Variants in CSMD1 observed in about 807,000 individuals in gnomAD.
CSMD1 encodes CUB and sushi domain-containing protein 1.
In CSMD1, 213 loss-of-function variants were observed where a neutral mutation model predicts 417.5. The ratio of observed to expected loss-of-function variants is 0.51; its 90% CI spans 0.46 to 0.57. CSMD1 has a LOEUF of 0.57. Among genes scored for constraint, CSMD1 ranks in the 20% least tolerant of loss-of-function variants. The pLI, the probability that CSMD1 is intolerant of heterozygous loss-of-function variation, is 0.00. For missense variants in CSMD1, 6,923 were observed against 4,529.7 expected, an observed-to-expected ratio of 1.53 and a Z score of -15.17; for synonymous variants, 2,862 against 1,736.8, an observed-to-expected ratio of 1.65 and a Z score of -16.11.
intron 11 of CSMD1, among the ~76,000 whole-genome samples, chr8:3,482,591 G>C (rs192143920): frequency 2.6e-5 from 4 of 152,286 alleles, no homozygotes; most frequent in Non-Finnish European, 2.9e-5. Context: ...AGCACCCTTA[G>C]CAAACAGGCA....
intron 23 of CSMD1, among the ~76,000 whole-genome samples, chr8:3,334,864 G>T (rs1807148873): frequency 6.6e-6 from 1 of 152,250 alleles, no homozygotes; most frequent in South Asian, 2.1e-4. Context: ...TGGCAGCACA[G>T]CCTGCTGGGG....
intron 7 of CSMD1, among the ~76,000 whole-genome samples, chr8:3,703,409 C>T (rs1272251245): frequency 2.7e-4 from 4 of 14,580 alleles, no homozygotes; most frequent in Admixed American, 1.6e-3. Context: ...GGCTTTTGTT[C>T]CAAAGCACAG....
At chr8:3,482,627 C>T (rs1338487062) in intron 11 of CSMD1, among the ~76,000 whole-genome samples, 1 of 152,182 alleles carries the variant, frequency 6.6e-6, no homozygotes, top group African/African-American at 2.4e-5. Flanking sequence ...GATATTCAAT[C>T]AACCAACAGG....
intron 2 of CSMD1, among the ~76,000 whole-genome samples, chr8:4,584,312 G>C (rs377013766): frequency 6.6e-6 from 1 of 151,378 alleles, no homozygotes; most frequent in Non-Finnish European, 1.5e-5. Context: ...TGAGACCGTC[G>C]CCTATCGCCG....
At chr8:4,087,942 C>T (rs1422263036) in intron 3 of CSMD1, among the ~76,000 whole-genome samples, 2 of 152,122 alleles carry the variant, frequency 1.3e-5, no homozygotes, top group African/African-American at 4.8e-5. Flanking sequence ...TGTGACCAAA[C>T]AGGCTAAGAA....
intron 41 of CSMD1, among the ~76,000 whole-genome samples, chr8:3,122,151 T>A (rs1421094828): frequency 6.6e-6 from 1 of 152,168 alleles, no homozygotes; most frequent in African/African-American, 2.4e-5. Flanking sequence ...TCTTTATAAC[T>A]CAATATTTAC....
At chr8:4,841,919 A>C (rs970860092) in intron 1 of CSMD1, among the ~76,000 whole-genome samples, 11 of 141,264 alleles carry the variant, frequency 7.8e-5, no homozygotes, top group Middle Eastern at 3.5e-3. Context: ...CTCAAAAAAA[A>C]AAAAAAAAAA....
chr8:4,368,117 T>A (rs544338749), intron 3 of CSMD1, among the ~76,000 whole-genome samples: 1 of 152,280 alleles, frequency 6.6e-6, no homozygotes, highest in South Asian at 2.1e-4. Flanking sequence ...TCTAGCTTTT[T>A]CTCATTCAGT....
At chr8:4,810,771 G>A (rs185097170) in intron 1 of CSMD1, among the ~76,000 whole-genome samples, 1 of 152,152 alleles carries the variant, frequency 6.6e-6, no homozygotes, top group Non-Finnish European at 1.5e-5. Context: ...AAAAGCTGAA[G>A]AAAGTGCCTC....
chr8:4,881,401 C>T (rs948876203), intron 1 of CSMD1, among the ~76,000 whole-genome samples: 1 of 151,114 alleles, frequency 6.6e-6, no homozygotes, highest in Non-Finnish European at 1.5e-5. Flanking sequence ...AACAAATATA[C>T]CTAGTATACA....
chr8:4,429,915 A>C (rs1247378892), intron 2 of CSMD1, among the ~76,000 whole-genome samples: 2 of 152,132 alleles, frequency 1.3e-5, no homozygotes, highest in East Asian at 1.9e-4. Flanking sequence ...TTGGGGATTC[A>C]ATCAGTGGTC....
chr8:4,287,412 G>A (rs1008189004), intron 3 of CSMD1, among the ~76,000 whole-genome samples: 2 of 152,102 alleles, frequency 1.3e-5, no homozygotes, highest in Non-Finnish European at 2.9e-5. Flanking sequence ...TCCACCAGAA[G>A]GTTTCTTTCT....
At chr8:4,434,859 GAACA>G (rs1277286364) in intron 2 of CSMD1, among the ~76,000 whole-genome samples, 7 of 152,180 alleles carry the variant, frequency 4.6e-5, no homozygotes, top group African/African-American at 1.2e-4. Flanking sequence ...GCAACCGCAA[GAACA>G]AACTACATCT....
chr8:4,219,130 C>A (rs1174316227), intron 3 of CSMD1, among the ~76,000 whole-genome samples: 3 of 152,194 alleles, frequency 2.0e-5, no homozygotes, highest in Non-Finnish European at 4.4e-5. Context: ...AGCCTCCTTT[C>A]ATCTGTGCCC....
At chr8:4,148,546 G>A (rs977041117) in intron 3 of CSMD1, among the ~76,000 whole-genome samples, 1 of 152,040 alleles carries the variant, frequency 6.6e-6, no homozygotes, top group African/African-American at 2.4e-5. Flanking sequence ...TGGCTACTTG[G>A]AGTTCTGGAG....
intron 5 of CSMD1, among the ~76,000 whole-genome samples, chr8:3,991,325 T>G (rs1410728404): frequency 2.6e-5 from 4 of 152,216 alleles, no homozygotes; most frequent in Admixed American, 2.0e-4. Context: ...ACCTAGGTTG[T>G]GGCGTAGTCT....
intron 5 of CSMD1, among the ~76,000 whole-genome samples, chr8:3,826,924 C>T (rs1176058521): frequency 6.6e-6 from 1 of 152,074 alleles, no homozygotes; most frequent in Non-Finnish European, 1.5e-5. Flanking sequence ...GTAGCTGAAA[C>T]TACAGGCATG....
chr8:4,447,229 T>C (rs1321421565), intron 2 of CSMD1, among the ~76,000 whole-genome samples: 3 of 152,244 alleles, frequency 2.0e-5, no homozygotes, highest in Non-Finnish European at 2.9e-5. Context: ...ACAAAGTTCT[T>C]GCCTGATGGA....
chr8:2,987,069 A>T (rs1303604229), intron 54 of CSMD1, among the ~76,000 whole-genome samples: 1 of 152,092 alleles, frequency 6.6e-6, no homozygotes, highest in Non-Finnish European at 1.5e-5. Flanking sequence ...GTTACAACTA[A>T]TTCTTAATGG....
Sources: allele counts gnomAD v4.1 joint callset (sites outside exome capture counted in the v4.1 genomes callset), GRCh38; gene constraint gnomAD v4.1.1; transcripts MANE v1.5; gene names NCBI Gene and HGNC (gene_info 2026-07-23, HGNC 2026-07-21).